Variants in NAV3 observed in about 807,000 individuals in gnomAD.
The protein encoded by NAV3 is pore membrane and/or filament interacting like protein 1.
NAV3 carries 87 observed loss-of-function variants against 244.7 expected under a neutral mutation model. That is an observed-to-expected ratio of 0.36 (90% CI 0.30 to 0.42). The LOEUF (loss-of-function observed/expected upper bound fraction) is 0.42. Among genes scored for constraint, NAV3 ranks in the 20% least tolerant of loss-of-function variants. The pLI is 1.00. For synonymous variants in NAV3, 1,126 were observed against 1,042.2 expected (o/e 1.08, Z -1.55); for missense variants, 2,663 against 2,893.3 (o/e 0.92, Z 1.83).
intron 2 of NAV3, among the ~76,000 whole-genome samples, chr12:77,756,173 GT>G (rs1288273754): frequency 6.6e-6 from 1 of 152,168 alleles, no homozygotes; most frequent in East Asian, 1.9e-4. Context: ...CCACCAGGTA[GT>G]TTTTTAATGC....
chr12:78,144,483 A>G (rs1455772057), intron 20 of NAV3, among the ~76,000 whole-genome samples: 1 of 152,146 alleles, frequency 6.6e-6, no homozygotes, highest in East Asian at 1.9e-4. Context: ...ATTCTGGCTC[A>G]TTGCTTTATT....
chr12:77,734,178 A>G (rs1877241297), intron 2 of NAV3, among the ~76,000 whole-genome samples: 1 of 152,074 alleles, frequency 6.6e-6, no homozygotes, highest in South Asian at 2.1e-4. Flanking sequence ...GGATAAAAGT[A>G]TAGGTTGGTG....
In NAV3 at chr12:78,119,934, C is replaced by T. The variant is rs751906677; in HGVS notation, c.3738C>T (p.Pro1246=). 2.5e-6 allele frequency: 4 copies of T among 1,611,278 alleles called. No homozygotes were observed. The highest frequency in any genetic ancestry group is 1.7e-5 in the Admixed American group (1 of 59,788). ...PGSKYPDIAS[P]TFRRLFGAKA... ...CCAAGTATCCAGATATTGCCTCACC[C>T]ACATTTCGAAGGTAAGGATGTATAA... Residue 1246 remains proline (P), a synonymous_variant, in exon 15 of 40, where the codon CCC becomes CCT. Transcript: ENST00000397909.
At chr12:78,142,620 G>A (rs1956664236) in intron 20 of NAV3, among the ~76,000 whole-genome samples, 1 of 148,974 alleles carries the variant, frequency 6.7e-6, no homozygotes, top group Non-Finnish European at 1.5e-5. Context: ...ATTGTTTTAA[G>A]AGTAGAATAT....
intron 2 of NAV3, among the ~76,000 whole-genome samples, chr12:77,684,320 A>G (rs1874614146): frequency 6.6e-6 from 1 of 152,080 alleles, no homozygotes; most frequent in Non-Finnish European, 1.5e-5. Flanking sequence ...TACAAGTATG[A>G]TTTATGTATT....
At chr12:77,688,761 TGAA>T (rs1319731302) in intron 2 of NAV3, among the ~76,000 whole-genome samples, 6 of 151,798 alleles carry the variant, frequency 4.0e-5, no homozygotes, top group Non-Finnish European at 7.4e-5. Flanking sequence ...GGATAGATAA[TGAA>T]GGAGAGGCTC....
At chr12:77,940,550 G>A in intron 2 of NAV3, 114 bp downstream of exon 2, 5 of 746,116 alleles carry the variant, frequency 6.7e-6, no homozygotes, top group Non-Finnish European at 1.1e-5. Context: ...TGAGATTCAT[G>A]TAGCTCTCCC....
chr12:77,828,546 G>A (rs150289212), upstream of NAV3, among the ~76,000 whole-genome samples: 350 of 152,138 alleles, frequency 2.3e-3, 2 homozygotes, highest in African/African-American at 7.9e-3. Context: ...ATCAGTGACC[G>A]TAAGCTAATT....
chr12:78,076,697 A>T (rs73141961), intron 12 of NAV3, among the ~76,000 whole-genome samples: 1 of 152,308 alleles, frequency 6.6e-6, no homozygotes, highest in Non-Finnish European at 1.5e-5. Context: ...TTTAAAAAAA[A>T]CACAGGTATG....
chr12:78,065,746 C>A (rs1248496905), intron 12 of NAV3, among the ~76,000 whole-genome samples: 6 of 152,000 alleles, frequency 3.9e-5, no homozygotes, highest in Admixed American at 2.6e-4. Context: ...GGGAGATCTT[C>A]AGGAAAGTTG....
At chr12:77,792,919 G>C (rs941982876) in intron 2 of NAV3, among the ~76,000 whole-genome samples, 1 of 152,152 alleles carries the variant, frequency 6.6e-6, no homozygotes, top group African/African-American at 2.4e-5. Context: ...CAGTGGACAT[G>C]TTACTATGGC....
chr12:77,667,155 T>G (rs1873751548), intron 2 of NAV3, among the ~76,000 whole-genome samples: 1 of 152,194 alleles, frequency 6.6e-6, no homozygotes, highest in Non-Finnish European at 1.5e-5. Context: ...AGGACTAGCT[T>G]GCAGCTCCTG....
intron 3 of NAV3, among the ~76,000 whole-genome samples, chr12:77,957,761 T>A (rs973711198): frequency 2.0e-5 from 3 of 151,984 alleles, no homozygotes; most frequent in Non-Finnish European, 4.4e-5. Context: ...GCCTCGCAGG[T>A]TCAAGTGATT....
chr12:77,678,647 A>G (rs1279494008), intron 2 of NAV3, among the ~76,000 whole-genome samples: 1 of 152,128 alleles, frequency 6.6e-6, no homozygotes, highest in Non-Finnish European at 1.5e-5. Context: ...GACCAGCTCA[A>G]TTGTAGGAAG....
chr12:77,691,025 T>A (rs1187025233), intron 2 of NAV3, among the ~76,000 whole-genome samples: 1 of 150,552 alleles, frequency 6.6e-6, no homozygotes, highest in Non-Finnish European at 1.5e-5. Context: ...TATTTGAAAC[T>A]GTGTCTTTAA....
chr12:77,964,832 C>T (rs1211841169), intron 3 of NAV3, among the ~76,000 whole-genome samples: 1 of 151,750 alleles, frequency 6.6e-6, no homozygotes, highest in Admixed American at 6.6e-5. Context: ...ATGAGTATAT[C>T]TTGGCTGTGG....
At chr12:77,862,457 C>A (rs764043981) in intron 1 of NAV3, among the ~76,000 whole-genome samples, 2 of 151,628 alleles carry the variant, frequency 1.3e-5, no homozygotes, top group Non-Finnish European at 3.0e-5. Context: ...GGAGGATCAT[C>A]TATAACTGAT....
At chr12:78,191,882 CT>C (rs1184026119) in intron 34 of NAV3, among the ~76,000 whole-genome samples, 2 of 152,026 alleles carry the variant, frequency 1.3e-5, no homozygotes, top group Admixed American at 6.6e-5. Flanking sequence ...TTACAAGGTA[CT>C]TTTTTTATGG....
chr12:77,915,621 A>C (rs1192995389), intron 1 of NAV3, among the ~76,000 whole-genome samples: 4 of 152,044 alleles, frequency 2.6e-5, no homozygotes, highest in East Asian at 1.9e-4. Context: ...TATACCTGCA[A>C]AATTTTGTCA....
Sources: gnomAD v4.1 joint callset for allele counts (sites outside exome capture counted in the v4.1 genomes callset) on GRCh38, gnomAD v4.1.1 for gene constraint, MANE v1.5 for transcripts, NCBI Gene and HGNC (gene_info 2026-07-23, HGNC 2026-07-21) for gene names.